Variants in TCF7L2 observed in about 807,000 individuals in gnomAD.
TCF7L2 encodes transcription factor 7 like 2.
A neutral mutation model predicts 77.9 loss-of-function variants in TCF7L2; 23 were observed. The observed-to-expected ratio is 0.30, with a 90% confidence interval of 0.21 to 0.42. The LOEUF is 0.42. Among genes scored for constraint, TCF7L2 ranks in the 10% least tolerant of loss-of-function variants. The probability of loss-of-function intolerance (pLI) is 1.00; values close to 1 mark genes in which losing one functional copy is unlikely to be tolerated. For synonymous variants in TCF7L2, 413 were observed against 340.2 expected (o/e 1.21, Z -2.36); for missense variants, 654 against 793.1 (o/e 0.82, Z 2.11).
intron 4 of TCF7L2, among the ~76,000 whole-genome samples, chr10:113,026,388 T>A (rs556393835): frequency 6.6e-6 from 1 of 151,362 alleles, no homozygotes; most frequent in African/African-American, 2.4e-5. Flanking sequence ...CTTGAACTTC[T>A]GACCTCATGA....
intron 5 of TCF7L2, among the ~76,000 whole-genome samples, chr10:113,115,961 T>C (rs985897910): frequency 3.3e-5 from 5 of 152,176 alleles, no homozygotes; most frequent in Non-Finnish European, 7.3e-5. Context: ...TGTATCGATA[T>C]AGCTCCTTAC....
intron 4 of TCF7L2, among the ~76,000 whole-genome samples, chr10:113,001,407 G>A (rs553439734): frequency 6.6e-6 from 1 of 152,232 alleles, no homozygotes; most frequent in Admixed American, 6.5e-5. Flanking sequence ...CCAGCTCCGA[G>A]TTCTGTGCTG....
intron 5 of TCF7L2, among the ~76,000 whole-genome samples, chr10:113,138,560 T>C (rs959392197): frequency 2.0e-5 from 3 of 152,162 alleles, no homozygotes; most frequent in African/African-American, 7.2e-5. Flanking sequence ...TGTGCTTCTT[T>C]ACTGTAGACA....
At chr10:113,025,631 T>C (rs1395800237) in intron 4 of TCF7L2, among the ~76,000 whole-genome samples, 2 of 152,190 alleles carry the variant, frequency 1.3e-5, no homozygotes, top group Admixed American at 6.5e-5. Context: ...TCTGCCCACC[T>C]TGGCCTCGCA....
At chr10:112,966,401 G>A (rs141436664) in intron 4 of TCF7L2, among the ~76,000 whole-genome samples, 163 of 151,686 alleles carry the variant, frequency 1.1e-3, no homozygotes, top group Non-Finnish European at 2.0e-3. Flanking sequence ...TCCTTTTGAT[G>A]GACAGCATAG....
At chr10:113,001,665 C>A (rs893999663) in intron 4 of TCF7L2, among the ~76,000 whole-genome samples, 1 of 152,080 alleles carries the variant, frequency 6.6e-6, no homozygotes, top group Non-Finnish European at 1.5e-5. Flanking sequence ...TTGGGTGACC[C>A]CCCTATCATG....
chr10:113,077,506 T>G (rs1017955030), intron 5 of TCF7L2, among the ~76,000 whole-genome samples: 28 of 152,230 alleles, frequency 1.8e-4, no homozygotes, highest in African/African-American at 6.3e-4. Context: ...CCACTCTGCC[T>G]TCTCCCCCAT....
At chr10:113,100,810 T>C (rs925660964) in intron 5 of TCF7L2, among the ~76,000 whole-genome samples, 1 of 152,196 alleles carries the variant, frequency 6.6e-6, no homozygotes, top group African/African-American at 2.4e-5. Flanking sequence ...GCGTGGTGGC[T>C]CACGCCTGTA....
intron 3 of TCF7L2, among the ~76,000 whole-genome samples, chr10:112,953,434 C>A (rs1427354189): frequency 6.6e-6 from 1 of 152,088 alleles, no homozygotes. Context: ...TAAACGGGAC[C>A]GTTCGGCTCA....
chr10:113,015,737 C>T (rs1421519874), intron 4 of TCF7L2, among the ~76,000 whole-genome samples: 2 of 152,100 alleles, frequency 1.3e-5, no homozygotes, highest in African/African-American at 4.8e-5. Context: ...AAGGTTCACA[C>T]CTTGGCCTCT....
At chr10:113,013,714 C>T (rs1382330033) in intron 4 of TCF7L2, among the ~76,000 whole-genome samples, 1 of 152,158 alleles carries the variant, frequency 6.6e-6, no homozygotes, top group Non-Finnish European at 1.5e-5. Flanking sequence ...CAAAGAAAGG[C>T]AGTTGGAGCT....
At chr10:113,072,248 G>A (rs1237482590) in intron 5 of TCF7L2, among the ~76,000 whole-genome samples, 1 of 151,778 alleles carries the variant, frequency 6.6e-6, no homozygotes, top group Non-Finnish European at 1.5e-5. Context: ...GCAGAGACGG[G>A]GTTTCACCGT....
chr10:113,114,113 A>G (rs933486275), intron 5 of TCF7L2, among the ~76,000 whole-genome samples: 3 of 152,190 alleles, frequency 2.0e-5, no homozygotes, highest in African/African-American at 7.2e-5. Context: ...TTTACTGACA[A>G]TATCCCCAGC....
At chr10:113,028,604 A>G (rs2049639808) in intron 4 of TCF7L2, among the ~76,000 whole-genome samples, 1 of 152,212 alleles carries the variant, frequency 6.6e-6, no homozygotes, top group South Asian at 2.1e-4. Context: ...GTTGGAGGAC[A>G]CGGAGCCCAG....
rs866696393 is a variant in TCF7L2, at chr10:113,135,806, T to C, written c.553-5378T>C. ...GCATTGTGGCTAAGGCAGGGAACAC[T>C]GAGCTCCACCTAATTTGGGGTTTAG... On this transcript the variant is annotated intron_variant, in intron 5 of 13. Transcript: ENST00000627217. Among the ~76,000 whole-genome samples the C allele has an allele frequency of 1.6e-4, 25 of 152,330 alleles. 1 individual carries two copies. The highest frequency in any genetic ancestry group is 7.8e-4 in the Admixed American group (12 of 15,306).
rs1378407420 is a variant in TCF7L2, at chr10:113,101,604, A to T, written c.553-39580A>T. On this transcript the variant is annotated intron_variant, in intron 5 of 13. Coordinates refer to ENST00000627217, the MANE Select transcript of TCF7L2 (RefSeq NM_001146274.2). Reference sequence around the variant, plus strand: ...ACGCCTGTAATCCCAGCACTTTGGGAGGTTGAGGTGGGCGGATCACAAGGT... The same window carrying T: ...ACGCCTGTAATCCCAGCACTTTGGGTGGTTGAGGTGGGCGGATCACAAGGT... Among the ~76,000 whole-genome samples, 3 of 151,906 alleles carry T rather than the reference A, an allele frequency of 2.0e-5. No homozygotes were observed. In the East Asian group the frequency reaches 5.8e-4, roughly 29 times the overall value.
chr10:113,022,633 C>G (rs2048441545), intron 4 of TCF7L2, among the ~76,000 whole-genome samples: 1 of 152,154 alleles, frequency 6.6e-6, no homozygotes, highest in African/African-American at 2.4e-5. Flanking sequence ...AATCTTGCAA[C>G]ATCTCAAGGG....
intron 4 of TCF7L2, among the ~76,000 whole-genome samples, chr10:113,003,894 C>G (rs574380093): frequency 6.6e-6 from 1 of 152,252 alleles, no homozygotes; most frequent in South Asian, 2.1e-4. Flanking sequence ...GTGTACACAC[C>G]CACGGGGAAC....
Position 113,151,037 on chromosome 10 carries a change from C to T in TCF7L2, c.915C>T (p.His305=), listed in dbSNP as rs937494138. 1 of 1,614,136 alleles carries T rather than the reference C, an allele frequency of 6.2e-7. No homozygotes were observed. Among genetic ancestry groups the T allele is most frequent in the South Asian group, 1.1e-5 (1 of 91,072 alleles). ...TGGTCCCACCACATCATACGCTACACACGACGGGCATTCCGCATCCGGCCA... is the reference window on the plus strand; with the variant it reads ...TGGTCCCACCACATCATACGCTACATACGACGGGCATTCCGCATCCGGCCA... The change falls in exon 9 of 14, where the codon CAC becomes CAT. Residue 305 remains histidine (H), a synonymous_variant. Transcript: ENST00000627217. This position sits in a 1 kb window ranked among gnomAD's most constrained non-coding sequence, Gnocchi z 5.2.
Sources: gnomAD v4.1 joint callset for allele counts (sites outside exome capture counted in the v4.1 genomes callset) on GRCh38, gnomAD v4.1.1 for gene constraint, Gnocchi (gnomAD v3.1) non-coding constraint, MANE v1.5 for transcripts, NCBI Gene and HGNC (gene_info 2026-07-23, HGNC 2026-07-21) for gene names.